The following USP46 variants were observed in gnomAD, a reference collection of about 807,000 sequenced individuals.
USP46 encodes ubiquitin specific peptidase 46, also known as ubiquitin carboxyl-terminal hydrolase 46.
Under a neutral mutation model 44.4 loss-of-function variants are expected in USP46, and 12 were observed. The observed-to-expected ratio is 0.27, with a 90% CI of 0.17 to 0.44. The LOEUF (loss-of-function observed/expected upper bound fraction) is 0.44, where lower values mean the gene tolerates loss of function less well. Ranked by LOEUF, USP46 falls within the 20% of genes least tolerant of loss-of-function variation. The probability of loss-of-function intolerance (pLI) is 1.00; values close to 1 mark genes in which losing one functional copy is unlikely to be tolerated. For synonymous variants in USP46, 155 were observed against 161.5 expected, an observed-to-expected ratio of 0.96 and a Z score of 0.31; for missense variants, 248 against 444.8, an observed-to-expected ratio of 0.56 and a Z score of 3.98.
In USP46 at chr4:52,595,536, T is replaced by C. The variant is rs190934559; in HGVS notation, c.*2104A>G. 47 of 152,348 alleles carry C rather than the reference T, an allele frequency of 3.1e-4. No homozygotes were observed. Among genetic ancestry groups the C allele is most frequent in the African/African-American group, 1.1e-3 (44 of 41,570 alleles). 9.4% of individuals were successfully genotyped at this position (152,348 alleles called of 1,614,324 possible). A position where few individuals can be genotyped will look rare whatever the true frequency, so the allele number is the denominator to read the frequency against. ...GAATGCTGAATTTTAACTGACTCTT[T>C]CTATTAAAAGGAATTACTTCGATTA... On this transcript the variant is annotated 3_prime_UTR_variant, in exon 9 of 9. Coordinates refer to ENST00000441222, the MANE Select transcript of USP46 (RefSeq NM_022832.4).
chr4:52,603,542 T>G (rs1716559974), intron 6 of USP46, among the ~76,000 whole-genome samples: 2 of 152,148 alleles, frequency 1.3e-5, no homozygotes, highest in African/African-American at 4.8e-5. Flanking sequence ...CAGGAAGCCT[T>G]CGCAGGATGA....
intron 5 of USP46, among the ~76,000 whole-genome samples, chr4:52,605,582 T>C (rs1392673066): frequency 6.6e-6 from 1 of 152,212 alleles, no homozygotes; most frequent in East Asian, 1.9e-4. Context: ...CACAGATTCT[T>C]TCATTCATTA....
chr4:52,598,858 A>C (rs1302109800), intron 7 of USP46, among the ~76,000 whole-genome samples, 152 bp from the exon 8 acceptor site: 2 of 152,240 alleles, frequency 1.3e-5, no homozygotes, highest in South Asian at 2.1e-4. Flanking sequence ...TATGTTTACA[A>C]CACCATGCTG....
chr4:52,619,551 A>G (rs115216411), intron 4 of USP46, among the ~76,000 whole-genome samples: 170 of 152,334 alleles, frequency 1.1e-3, no homozygotes, highest in African/African-American at 3.9e-3. Flanking sequence ...GTTACTCAAA[A>G]GAGGCTCCCT....
chr4:52,649,793 A>G lies in USP46; in HGVS notation c.36+9322T>C, dbSNP rs1282730624. Among the ~76,000 whole-genome samples the G allele has an allele frequency of 2.0e-5, 3 of 152,254 alleles. No homozygotes were observed. The East Asian group carries it at 5.8e-4, about 29-fold the overall frequency. On this transcript the variant is annotated intron_variant, in intron 1 of 8. Coordinates refer to ENST00000441222, the MANE Select transcript of USP46 (RefSeq NM_022832.4). ...GACAGCTGGGAAATCAACACTGAATAATACAAATAAATACAGTTCCTGCCC... is the reference window on the plus strand; with the variant it reads ...GACAGCTGGGAAATCAACACTGAATGATACAAATAAATACAGTTCCTGCCC...
At chr4:52,639,304 A>T (rs1297286895) in intron 1 of USP46, among the ~76,000 whole-genome samples, 1 of 152,376 alleles carries the variant, frequency 6.6e-6, no homozygotes, top group East Asian at 1.9e-4. Context: ...GTAAGTGTGG[A>T]TTAAACAAGA....
intron 1 of USP46, among the ~76,000 whole-genome samples, chr4:52,636,532 C>T (rs1219116255): frequency 1.3e-5 from 2 of 151,482 alleles, no homozygotes; most frequent in African/African-American, 4.8e-5. Flanking sequence ...ATGGTGAAAC[C>T]CCATCTCTAG....
chr4:52,655,855 G>C (rs1718928187), intron 1 of USP46, among the ~76,000 whole-genome samples: 1 of 152,218 alleles, frequency 6.6e-6, no homozygotes, highest in African/African-American at 2.4e-5. Flanking sequence ...TAAACTTCCA[G>C]TGAACAATAA....
chr4:52,652,466 A>C (rs1035622133), intron 1 of USP46, among the ~76,000 whole-genome samples: 1 of 152,186 alleles, frequency 6.6e-6, no homozygotes, highest in Non-Finnish European at 1.5e-5. Context: ...CATTGCATTA[A>C]AACAGCACAC....
rs1718373383 is a variant in USP46 at position 52,642,310 on chromosome 4, A to G, written c.37-11166T>C. Among the ~76,000 whole-genome samples, 3 of 152,252 alleles carry G rather than the reference A, an allele frequency of 2.0e-5. No individual in the cohort carries two copies. The South Asian group carries it at 6.2e-4, about 32-fold the overall frequency. On this transcript the variant is annotated intron_variant, in intron 1 of 8. Coordinates refer to ENST00000441222, the MANE Select transcript of USP46 (RefSeq NM_022832.4). ...TCATTTTCATCTTCATAATAACTCT[A>G]TGAGGCAGACACTGCTACTGGCCTT...
At chr4:52,646,012 C>T (rs1269569026) in intron 1 of USP46, among the ~76,000 whole-genome samples, 1 of 152,174 alleles carries the variant, frequency 6.6e-6, no homozygotes, top group Non-Finnish European at 1.5e-5. Context: ...AGTCATGCTT[C>T]CTGTTAAGCC....
intron 7 of USP46, among the ~76,000 whole-genome samples, chr4:52,599,294 T>C (rs1716363741): frequency 1.3e-5 from 2 of 151,856 alleles, no homozygotes; most frequent in Non-Finnish European, 2.9e-5. Flanking sequence ...AGAGAAGCCA[T>C]GTGACTCTGG....
chr4:52,598,491 G>C, intron 8 of USP46, 137 bp downstream of exon 8: 1 of 942,380 alleles, frequency 1.1e-6, no homozygotes, highest in South Asian at 1.6e-5. Context: ...GCAGAATTTG[G>C]TTTTGAATAC....
rs186478504 is a variant in USP46, at chr4:52,641,120, T to C, written c.37-9976A>G. ...TAAAGTATGTTACAAACCCAAGAGA[T>C]TGCACTTCTATTGCTAGCACCCTGC... is the stretch of plus-strand genomic sequence containing the variant. On this transcript the variant is annotated intron_variant, in intron 1 of 8. Coordinates refer to ENST00000441222, the MANE Select transcript of USP46 (RefSeq NM_022832.4). Among the ~76,000 whole-genome samples the C allele has an allele frequency of 1.6e-4, 25 of 152,052 alleles. No homozygotes were observed. The East Asian group carries it at 4.4e-3, about 27-fold the overall frequency.
At chr4:52,647,087 GTCAGTGAGGGCCTGGT>G (rs1324228996) in intron 1 of USP46, among the ~76,000 whole-genome samples, 1 of 152,198 alleles carries the variant, frequency 6.6e-6, no homozygotes, top group Admixed American at 6.5e-5. Flanking sequence ...TGTCCTGCTA[GTCAGTGAGGGCCTGGT>G]TCAGTGAATT....
chr4:52,599,576 A>G (rs1716381086), intron 7 of USP46, among the ~76,000 whole-genome samples: 1 of 152,332 alleles, frequency 6.6e-6, no homozygotes, highest in South Asian at 2.1e-4. Context: ...ACCAATATGC[A>G]TAGTAACAAG....
chr4:52,598,000 C>G (rs1716311488), intron 8 of USP46, among the ~76,000 whole-genome samples: 2 of 152,154 alleles, frequency 1.3e-5, no homozygotes, highest in Admixed American at 6.5e-5. Flanking sequence ...AAGAACAAGC[C>G]AAGACATCTC....
chr4:52,614,894 T>C (rs1285414595), intron 4 of USP46, among the ~76,000 whole-genome samples: 1 of 152,164 alleles, frequency 6.6e-6, no homozygotes, highest in Non-Finnish European at 1.5e-5. Context: ...TATACACCTA[T>C]ATATTTATAT....
intron 4 of USP46, 93 bp downstream of exon 4, chr4:52,625,925 G>A (rs1283083304): frequency 8.1e-7 from 1 of 1,235,424 alleles, no homozygotes; most frequent in African/African-American, 1.5e-5. Context: ...GCAAATAACT[G>A]CTAAATGCTA....
Sources: gnomAD v4.1 joint callset for allele counts (sites outside exome capture counted in the v4.1 genomes callset) on GRCh38, gnomAD v4.1.1 for gene constraint, MANE v1.5 for transcripts, NCBI Gene and HGNC (gene_info 2026-07-23, HGNC 2026-07-21) for gene names.